Variants in ECE1 observed in about 807,000 individuals in gnomAD.
The protein encoded by ECE1 is endothelin converting enzyme 1, also known as endothelin-converting enzyme 1.
ECE1 carries 35 observed loss-of-function variants against 98.6 expected under a neutral mutation model. The observed-to-expected ratio is 0.35, with a 90% confidence interval of 0.27 to 0.47. The LOEUF (loss-of-function observed/expected upper bound fraction) is 0.47. Ranked by LOEUF, ECE1 falls within the 20% of genes least tolerant of loss-of-function variation. The pLI is 1.00. For missense variants in ECE1, 814 were observed against 1,025.3 expected, an observed-to-expected ratio of 0.79 and a Z score of 2.81; for synonymous variants, 394 against 407.1, an observed-to-expected ratio of 0.97 and a Z score of 0.39.
At chr1:21,227,023 C>G in intron 16 of ECE1, 136 bp downstream of exon 16, 1 of 831,104 alleles carries the variant, frequency 1.2e-6, no homozygotes, top group South Asian at 1.4e-5. Flanking sequence ...CATGCACAGC[C>G]TAATTTTTTT....
rs2103294446 is a variant in ECE1, at chr1:21,260,450, T to A, written c.494-58A>T. 1.9e-6 allele frequency: 3 copies of A among 1,608,210 alleles called. No homozygotes were observed. Among genetic ancestry groups the A allele is most frequent in the Non-Finnish European group, 1.7e-6 (2 of 1,175,102 alleles). ...GCCCCACTTGCCCACTGGGTGGCTTTGGGGCAGTCCCTCTTTTCGGAGCCT... is the reference window on the plus strand; with the variant it reads ...GCCCCACTTGCCCACTGGGTGGCTTAGGGGCAGTCCCTCTTTTCGGAGCCT... On this transcript the variant is annotated intron_variant, in intron 4 of 18. Coordinates refer to ENST00000374893, the MANE Select transcript of ECE1 (RefSeq NM_001397.3). This position sits in a 1 kb window ranked among gnomAD's most constrained non-coding sequence, Gnocchi z 4.3.
chr1:21,287,263 T>A (rs2098261527), intron 2 of ECE1, among the ~76,000 whole-genome samples: 1 of 152,230 alleles, frequency 6.6e-6, no homozygotes, highest in Non-Finnish European at 1.5e-5. Context: ...TGGTGGCTCA[T>A]GCCTGCAATC....
At chr1:21,223,842 C>T (rs186821987) in intron 17 of ECE1, among the ~76,000 whole-genome samples, 15 of 152,178 alleles carry the variant, frequency 9.9e-5, no homozygotes, top group Admixed American at 9.2e-4. Context: ...AAATGATCCG[C>T]CCACCTCGGC....
chr1:21,282,397 G>A (rs1352489966), intron 2 of ECE1, among the ~76,000 whole-genome samples: 1 of 150,710 alleles, frequency 6.6e-6, no homozygotes, highest in Non-Finnish European at 1.5e-5. Flanking sequence ...AGACCAGCCT[G>A]GCCAACATGG....
rs977354499 is a variant in ECE1, at chr1:21,287,647, G to A, written c.138+2423C>T. Among the ~76,000 whole-genome samples, 6 of 152,178 alleles carry A rather than the reference G, an allele frequency of 3.9e-5. No individual in the cohort carries two copies. In the East Asian group the frequency reaches 1.2e-3, roughly 29 times the overall value. ...TCACCCACAGAGTGACAGCAGTTGC[G>A]CCTAAGTGTCCAACTACAGTGGATT... On this transcript the variant is annotated intron_variant, in intron 2 of 18. Transcript: ENST00000374893.
At chr1:21,316,907 G>T (rs1638842925) in intron 1 of ECE1, among the ~76,000 whole-genome samples, 1 of 152,164 alleles carries the variant, frequency 6.6e-6, no homozygotes, top group African/African-American at 2.4e-5. Flanking sequence ...GGCAGAATCA[G>T]GCTGCGCTTG....
intron 2 of ECE1, among the ~76,000 whole-genome samples, chr1:21,283,550 C>G (rs758339538): frequency 1.3e-5 from 2 of 152,168 alleles, no homozygotes; most frequent in Non-Finnish European, 2.9e-5. Context: ...GGATTACAGG[C>G]GTGAACCACT....
chr1:21,273,356 T>TGC (rs2098242784), intron 3 of ECE1, among the ~76,000 whole-genome samples: 1 of 117,504 alleles, frequency 8.5e-6, no homozygotes, highest in Admixed American at 8.1e-5. Flanking sequence ...CGTGTGTGTG[T>TGC]GTGTGTGTGT....
At chr1:21,295,607 T>C (rs995949477) in intron 1 of ECE1, among the ~76,000 whole-genome samples, 12 of 152,234 alleles carry the variant, frequency 7.9e-5, no homozygotes, top group Non-Finnish European at 1.8e-4. Flanking sequence ...TTTCTTTGGC[T>C]GCCAGGAAAC....
chr1:21,274,120 C>CAT (rs748219360), intron 3 of ECE1, among the ~76,000 whole-genome samples: 13 of 152,256 alleles, frequency 8.5e-5, no homozygotes, highest in Non-Finnish European at 1.3e-4. Context: ...CATTACAAGT[C>CAT]ATCAGATGCA....
intron 10 of ECE1, among the ~76,000 whole-genome samples, chr1:21,238,907 C>G (rs538408190): frequency 2.0e-5 from 3 of 152,062 alleles, no homozygotes; most frequent in Non-Finnish European, 4.4e-5. Context: ...CTCGACCTCC[C>G]AGGCTCAAGT....
intron 10 of ECE1, among the ~76,000 whole-genome samples, chr1:21,244,154 A>G (rs1300854704): frequency 6.6e-6 from 1 of 152,080 alleles, no homozygotes; most frequent in Non-Finnish European, 1.5e-5. Context: ...GGGTTGGGGA[A>G]GCTGTGCCAG....
At chr1:21,257,710 G>T in intron 6 of ECE1, 120 bp from the exon 7 acceptor site, 1 of 1,024,712 alleles carries the variant, frequency 9.8e-7, no homozygotes, top group Non-Finnish European at 1.5e-6. Context: ...GGCCCTTGGA[G>T]AAGCAGGACT....
intron 1 of ECE1, among the ~76,000 whole-genome samples, chr1:21,311,840 T>C (rs1199136862): frequency 3.3e-5 from 5 of 151,122 alleles, no homozygotes; most frequent in Admixed American, 6.6e-5. Flanking sequence ...ATTTAAAAAA[T>C]TGGCCGGATA....
In ECE1 at chr1:21,254,028, C is replaced by T. The variant is rs557182246; in HGVS notation, c.1020+1919G>A. On this transcript the variant is annotated intron_variant, in intron 8 of 18. Coordinates refer to ENST00000374893, the MANE Select transcript of ECE1 (RefSeq NM_001397.3). ...AGGTTGCAGTAAGCTGAGATCATGC[C>T]ACTGCACTCCATCCTGGGCGACAGA... 1.8e-4 allele frequency among the ~76,000 whole-genome samples: 26 copies of T among 144,376 alleles called. No individual in the cohort carries two copies. In the South Asian group the frequency reaches 5.5e-3, roughly 31 times the overall value. The allele number at this position is 144,376 out of a possible 152,430, so 94.7% of individuals were successfully genotyped here.
chr1:21,310,617 GTGCTTTCAC>G (rs1313466775), intron 1 of ECE1, among the ~76,000 whole-genome samples: 1 of 152,142 alleles, frequency 6.6e-6, no homozygotes, highest in Non-Finnish European at 1.5e-5. Context: ...CTCTGGCCCT[GTGCTTTCAC>G]TGCACTCTGC....
Position 21,218,436 on chromosome 1 carries a change from G to A in ECE1, c.*1519C>T. The A allele has an allele frequency of 6.5e-6, 1 of 152,840 alleles. No individual in the cohort carries two copies. Among genetic ancestry groups the A allele is most frequent in the Non-Finnish European group, 1.5e-5 (1 of 68,446 alleles). 9.5% of individuals were successfully genotyped at this position (152,840 alleles called of 1,614,324 possible). On this transcript the variant is annotated 3_prime_UTR_variant, in exon 19 of 19. Transcript: ENST00000374893. The surrounding 1 kb of genome is among the most constrained non-coding windows in gnomAD (Gnocchi z 4.0). ...CTGCGGAGGCCAAGGGCATCTAGGA[G>A]CAGGGGCTGTCTCCTTGGGGTGGAG...
At chr1:21,342,646 ACG>A (rs1177436780) in intron 1 of ECE1, among the ~76,000 whole-genome samples, 2 of 139,692 alleles carry the variant, frequency 1.4e-5, no homozygotes, top group East Asian at 2.0e-4. Context: ...ACACACACAC[ACG>A]CCCTGCAAAC....
At chr1:21,237,729 T>C (rs1295745902) in intron 11 of ECE1, among the ~76,000 whole-genome samples, 1 of 152,182 alleles carries the variant, frequency 6.6e-6, no homozygotes, top group Non-Finnish European at 1.5e-5. Context: ...TAGGCCGGGC[T>C]GTCTCCAAGG....
Sources: allele counts gnomAD v4.1 joint callset (sites outside exome capture counted in the v4.1 genomes callset), GRCh38; gene constraint gnomAD v4.1.1; non-coding constraint Gnocchi (gnomAD v3.1); transcripts MANE v1.5; gene names NCBI Gene and HGNC (gene_info 2026-07-23, HGNC 2026-07-21).